Variants in NLGN1 observed in about 807,000 individuals in gnomAD.
NLGN1 encodes the protein neuroligin 1, also known as neuroligin-1.
In NLGN1, 12 loss-of-function variants were observed where a neutral mutation model predicts 65.5. That is an observed-to-expected ratio of 0.18 (90% CI 0.12 to 0.30). NLGN1 has a LOEUF of 0.30. Ranked by LOEUF, NLGN1 falls within the 10% of genes least tolerant of loss-of-function variation. The pLI, the probability that NLGN1 is intolerant of heterozygous loss-of-function variation, is 1.00. For synonymous variants in NLGN1, 350 were observed against 359.5 expected (o/e 0.97, Z 0.30); for missense variants, 750 against 1,007.1 (o/e 0.74, Z 3.46).
intron 4 of NLGN1, among the ~76,000 whole-genome samples, chr3:174,155,567 T>C (rs763921464): frequency 3.3e-5 from 5 of 151,962 alleles, no homozygotes; most frequent in Admixed American, 6.6e-5. Flanking sequence ...CAATGTTCTA[T>C]CAAATAACAT....
intron 4 of NLGN1, among the ~76,000 whole-genome samples, chr3:173,909,688 G>A (rs974200974): frequency 2.6e-5 from 4 of 151,986 alleles, no homozygotes; most frequent in South Asian, 2.1e-4. Flanking sequence ...ATTTACTTAT[G>A]TATTTTTTGA....
intron 4 of NLGN1, among the ~76,000 whole-genome samples, chr3:174,190,006 A>G (rs1732089243): frequency 6.6e-6 from 1 of 152,078 alleles, no homozygotes; most frequent in Admixed American, 6.6e-5. Context: ...CAGCTAGGTG[A>G]CTTGAATATC....
At chr3:173,514,694 A>G (rs1489331604) in intron 2 of NLGN1, among the ~76,000 whole-genome samples, 1 of 152,126 alleles carries the variant, frequency 6.6e-6, no homozygotes, top group Non-Finnish European at 1.5e-5. Context: ...GGTAACCACA[A>G]TTATATTGTT....
chr3:173,709,664 A>G (rs897148370), intron 3 of NLGN1, among the ~76,000 whole-genome samples: 10 of 151,844 alleles, frequency 6.6e-5, no homozygotes, highest in East Asian at 5.9e-4. Flanking sequence ...TTAGCCGGGC[A>G]TGGTGGTGAG....
At chr3:173,469,885 C>T (rs181142130) in intron 2 of NLGN1, among the ~76,000 whole-genome samples, 5 of 151,836 alleles carry the variant, frequency 3.3e-5, no homozygotes, top group Admixed American at 3.3e-4. Context: ...CCTACATATG[C>T]TTACTCCAGT....
chr3:174,039,763 T>A (rs1272248294), intron 4 of NLGN1, among the ~76,000 whole-genome samples: 2 of 152,052 alleles, frequency 1.3e-5, no homozygotes, highest in Non-Finnish European at 2.9e-5. Flanking sequence ...ATGGACAATG[T>A]GTTTGGAATC....
intron 3 of NLGN1, among the ~76,000 whole-genome samples, chr3:173,708,836 A>T (rs1313170322): frequency 6.6e-6 from 1 of 152,218 alleles, no homozygotes; most frequent in Non-Finnish European, 1.5e-5. Flanking sequence ...AGTGATACTA[A>T]TAAGTTTAAT....
At chr3:173,547,151 A>AT (rs201898497) in intron 2 of NLGN1, among the ~76,000 whole-genome samples, 2,807 of 151,950 alleles carry the variant, frequency 0.018, 38 homozygotes, top group Non-Finnish European at 0.027. Context: ...TAAAATTGCT[A>AT]TTTTTTTTCT....
intron 4 of NLGN1, among the ~76,000 whole-genome samples, chr3:173,999,581 T>C (rs1317543059): frequency 6.6e-6 from 1 of 152,190 alleles, no homozygotes; most frequent in African/African-American, 2.4e-5. Context: ...AAAAAAATAC[T>C]GACCTTTATT....
rs151294939 is a variant in NLGN1 at position 174,214,089 on chromosome 3, G to T, written c.647-61226G>T. Among the ~76,000 whole-genome samples the T allele has an allele frequency of 2.3e-3, 345 of 152,020 alleles. 3 individuals are homozygous for T. Among genetic ancestry groups the T allele is most frequent in the African/African-American group, 7.9e-3 (329 of 41,478 alleles). ...GGGTTTTTTTGATGTTACTCTGAGG[G>T]TATTAGCTGTAGTTTTGTATATTTT... On this transcript the variant is annotated intron_variant, in intron 4 of 6. Transcript: ENST00000457714.
chr3:174,024,893 T>G (rs928958290), intron 4 of NLGN1, among the ~76,000 whole-genome samples: 1 of 152,208 alleles, frequency 6.6e-6, no homozygotes, highest in Non-Finnish European at 1.5e-5. Context: ...AAATAGAAAG[T>G]AAACACATTC....
At chr3:173,703,997 G>C (rs1208452892) in intron 3 of NLGN1, among the ~76,000 whole-genome samples, 1 of 152,234 alleles carries the variant, frequency 6.6e-6, no homozygotes, top group East Asian at 1.9e-4. Context: ...TGCCAATTCA[G>C]ATCCTGAGAG....
At chr3:173,792,737 A>G (rs9290479) in intron 3 of NLGN1, among the ~76,000 whole-genome samples, 105,941 of 152,022 alleles carry the variant, frequency 0.7, 37,527 homozygotes, top group Non-Finnish European at 0.76. Flanking sequence ...GTATATGACA[A>G]TAGGAATAAG....
At chr3:174,194,192 C>T (rs1209792478) in intron 4 of NLGN1, among the ~76,000 whole-genome samples, 1 of 152,020 alleles carries the variant, frequency 6.6e-6, no homozygotes, top group Non-Finnish European at 1.5e-5. Context: ...GGCGCGGTGG[C>T]TCACACCTGT....
rs530783146 is a variant in NLGN1 at position 174,238,857 on chromosome 3, GAT to G, written c.647-36455_647-36454del. On this transcript the variant is annotated intron_variant, in intron 4 of 6. Transcript: ENST00000457714. ...CTCTCATTTGTACAGATAATAAGAT[GAT>G]ATCAACTGTCTGTCTCTCTCTTTCT... Among the ~76,000 whole-genome samples the G allele has an allele frequency of 1.2e-3, 182 of 152,136 alleles. 1 individual carries two copies. Among genetic ancestry groups the G allele is most frequent in the Non-Finnish European group, 1.7e-3 (116 of 67,986 alleles).
chr3:173,893,762 C>T (rs1164094483), intron 4 of NLGN1, among the ~76,000 whole-genome samples: 1 of 152,060 alleles, frequency 6.6e-6, no homozygotes, highest in Non-Finnish European at 1.5e-5. Flanking sequence ...CTTCGTGTTG[C>T]CCCAGAAGCA....
chr3:173,851,246 G>T (rs940565987), intron 4 of NLGN1, among the ~76,000 whole-genome samples: 12 of 151,942 alleles, frequency 7.9e-5, no homozygotes, highest in South Asian at 2.1e-4. Flanking sequence ...AATCATGACA[G>T]GATTCTTCTG....
At chr3:174,130,068 C>T (rs1300592249) in intron 4 of NLGN1, among the ~76,000 whole-genome samples, 1 of 152,202 alleles carries the variant, frequency 6.6e-6, no homozygotes, top group Admixed American at 6.5e-5. Context: ...ATAGCACTAT[C>T]CTGAGATCAA....
At chr3:173,800,873 T>G (rs916078833) in intron 3 of NLGN1, among the ~76,000 whole-genome samples, 15 of 152,136 alleles carry the variant, frequency 9.9e-5, no homozygotes, top group African/African-American at 3.6e-4. Flanking sequence ...TAAAAAATAC[T>G]GTTTTCTGTT....
Sources: gnomAD v4.1 joint callset for allele counts (sites outside exome capture counted in the v4.1 genomes callset) on GRCh38, gnomAD v4.1.1 for gene constraint, MANE v1.5 for transcripts, NCBI Gene and HGNC (gene_info 2026-07-23, HGNC 2026-07-21) for gene names.